The following ZNF827 variants were observed in gnomAD, a reference collection of about 807,000 sequenced individuals.
The protein encoded by ZNF827 is zinc finger protein 827.
A neutral mutation model predicts 102.4 loss-of-function variants in ZNF827; 13 were observed. That is an observed-to-expected ratio of 0.13 (90% CI 0.08 to 0.20). The LOEUF (loss-of-function observed/expected upper bound fraction) is 0.20, where lower values mean the gene tolerates loss of function less well. Ranked by LOEUF, ZNF827 falls within the 10% of genes least tolerant of loss-of-function variation. ZNF827 has a pLI of 1.00. For missense variants in ZNF827, 1,103 were observed against 1,344.4 expected (o/e 0.82, Z 2.81); for synonymous variants, 523 against 536.2 (o/e 0.98, Z 0.34).
Position 145,768,916 on chromosome 4 carries a change from T to TATATATATATATAA in ZNF827, c.2861-3179_2861-3178insTTATATATATATAT, listed in dbSNP as rs34051922. On this transcript the variant is annotated intron_variant, in intron 11 of 14. Coordinates refer to ENST00000508784, the MANE Select transcript of ZNF827 (RefSeq NM_001306215.2). ...ATATATATATATATATATATATATA[T>TATATATATATATAA]TAGGTATACAAAGTTTGGAAATAGA... 1.0e-3 allele frequency among the ~76,000 whole-genome samples: 36 copies of TATATATATATATAA among 34,414 alleles called. 2 individuals are homozygous for TATATATATATATAA. Among genetic ancestry groups the TATATATATATATAA allele is most frequent in the African/African-American group, 2.2e-3 (21 of 9,628 alleles). The allele number at this position is 34,414 out of a possible 152,430, so 22.6% of individuals were successfully genotyped here. A position where few individuals can be genotyped will look rare whatever the true frequency, so the allele number is the denominator to read the frequency against.
At chr4:145,778,117 C>G (rs1422356186) in intron 9 of ZNF827, among the ~76,000 whole-genome samples, 2 of 152,000 alleles carry the variant, frequency 1.3e-5, no homozygotes, top group African/African-American at 4.8e-5. Context: ...CATGGAGAAA[C>G]CCCATTTCTA....
intron 2 of ZNF827, 64 bp from the exon 3 acceptor site, chr4:145,892,479 A>G (rs1254131098): frequency 4.1e-6 from 6 of 1,477,598 alleles, no homozygotes; most frequent in Non-Finnish European, 5.5e-6. Flanking sequence ...ATCTGGCATT[A>G]ATTCACATAC....
chr4:145,928,418 C>T (rs1448322673), intron 1 of ZNF827, among the ~76,000 whole-genome samples: 2 of 152,150 alleles, frequency 1.3e-5, no homozygotes, highest in Non-Finnish European at 2.9e-5. Context: ...CAGAAACTGA[C>T]GGACAGCAAT....
intron 7 of ZNF827, among the ~76,000 whole-genome samples, chr4:145,828,704 C>A (rs1743909791): frequency 6.6e-6 from 1 of 152,020 alleles, no homozygotes; most frequent in Non-Finnish European, 1.5e-5. Context: ...TGATTTTTCT[C>A]CTGTAGAAAA....
intron 4 of ZNF827, among the ~76,000 whole-genome samples, chr4:145,882,980 C>A (rs1462675820): frequency 1.3e-5 from 2 of 151,962 alleles, no homozygotes; most frequent in Non-Finnish European, 2.9e-5. Context: ...TAAATCATAT[C>A]CACAGACACA....
chr4:145,793,806 C>A (rs1222332316), intron 8 of ZNF827, among the ~76,000 whole-genome samples: 1 of 152,172 alleles, frequency 6.6e-6, no homozygotes, highest in Non-Finnish European at 1.5e-5. Flanking sequence ...TGGAGACCTT[C>A]CCTCAGCAGA....
At chr4:145,773,752 GGTTT>G (rs1250783608) in intron 11 of ZNF827, among the ~76,000 whole-genome samples, 1 of 152,184 alleles carries the variant, frequency 6.6e-6, no homozygotes, top group Non-Finnish European at 1.5e-5. Flanking sequence ...GACAGTGATG[GGTTT>G]GTTTCAGGAG....
At chr4:145,803,792 T>G (rs933567337) in intron 8 of ZNF827, among the ~76,000 whole-genome samples, 2 of 152,158 alleles carry the variant, frequency 1.3e-5, no homozygotes, top group African/African-American at 4.8e-5. Context: ...TTATCCCAGT[T>G]CTCCAATCAA....
At chr4:145,792,308 CAA>C (rs1274165821) in intron 8 of ZNF827, among the ~76,000 whole-genome samples, 1 of 149,786 alleles carries the variant, frequency 6.7e-6, no homozygotes. Flanking sequence ...CTCCTATTGA[CAA>C]AGAGTTTGAA....
At chr4:145,845,565 T>G (rs1005714839) in intron 7 of ZNF827, among the ~76,000 whole-genome samples, 6 of 152,108 alleles carry the variant, frequency 3.9e-5, no homozygotes, top group African/African-American at 1.4e-4. Context: ...AGGGTTGCAA[T>G]AAGACAGAAA....
At chr4:145,904,590 C>T (rs60635050) in intron 1 of ZNF827, among the ~76,000 whole-genome samples, 16,687 of 152,186 alleles carry the variant, frequency 0.11, 3,078 homozygotes, top group African/African-American at 0.38. Flanking sequence ...GCCTGGCACG[C>T]CCATGGAACA....
rs1751461467 is a variant in ZNF827, at chr4:145,902,109, C to A, written c.1093+57G>T. On this transcript the variant is annotated intron_variant, in intron 2 of 14. Transcript: ENST00000508784. The surrounding 1 kb of genome is among the most constrained non-coding windows in gnomAD (Gnocchi z 4.3). The stretch of plus-strand genomic sequence containing the variant: ...CAACTGAAAAAAGCAATGAATAAGA[C>A]ATCGCAGTTTATAGTCTAAAGGACT... 1.3e-6 allele frequency: 2 copies of A among 1,519,976 alleles called. No homozygotes were observed. The highest frequency in any genetic ancestry group is 4.5e-5 in the East Asian group (2 of 44,080). The allele number at this position is 1,519,976 out of a possible 1,614,324, so 94.2% of individuals were successfully genotyped here. A position where few individuals can be genotyped will look rare whatever the true frequency, so the allele number is the denominator to read the frequency against.
chr4:145,872,790 G>A (rs552625456), intron 4 of ZNF827, among the ~76,000 whole-genome samples: 27 of 151,582 alleles, frequency 1.8e-4, no homozygotes, highest in African/African-American at 3.4e-4. Flanking sequence ...TAGGAGAATC[G>A]CTTGAACCCA....
chr4:145,812,510 T>C (rs973836277), intron 8 of ZNF827, among the ~76,000 whole-genome samples: 68 of 145,968 alleles, frequency 4.7e-4, no homozygotes, highest in Admixed American at 1.6e-3. Flanking sequence ...TTTATTTATT[T>C]ATTTATTTAT....
At chr4:145,929,480 T>C (rs1174984955) in intron 1 of ZNF827, among the ~76,000 whole-genome samples, 1 of 152,230 alleles carries the variant, frequency 6.6e-6, no homozygotes, top group Non-Finnish European at 1.5e-5. Flanking sequence ...ACAACTTAGA[T>C]ATAATTCAGG....
intron 11 of ZNF827, among the ~76,000 whole-genome samples, chr4:145,773,288 T>C (rs914940842): frequency 6.6e-6 from 1 of 152,196 alleles, no homozygotes; most frequent in Admixed American, 6.5e-5. Flanking sequence ...TGGCACCTTC[T>C]CACTTGGCAT....
At chr4:145,764,762 C>T (rs570175130) in intron 13 of ZNF827, 29 of 579,694 alleles carry the variant, frequency 5.0e-5, no homozygotes, top group South Asian at 8.3e-5. Flanking sequence ...CCCTGAATCC[C>T]GGGGTATTTG....
intron 1 of ZNF827, among the ~76,000 whole-genome samples, chr4:145,934,130 T>C (rs1753994114): frequency 6.6e-6 from 1 of 152,178 alleles, no homozygotes; most frequent in African/African-American, 2.4e-5. Context: ...AAAATGATAA[T>C]TACTGCTCTA....
rs1300429187 is a variant in ZNF827 at position 145,765,774 on chromosome 4, G to A, written c.2861-36C>T. On this transcript the variant is annotated intron_variant, in intron 11 of 14. Transcript: ENST00000508784. This position sits in a 1 kb window ranked among gnomAD's most constrained non-coding sequence, Gnocchi z 4.7. ...AGCAAATAACCCAGTCTGTTAATGA[G>A]ATGAAAATCCTCAGAATTATAGCAA... is the stretch of plus-strand genomic sequence containing the variant. 3 of 1,592,630 alleles carry A rather than the reference G, an allele frequency of 1.9e-6. No individual in the cohort carries two copies. The highest frequency in any genetic ancestry group is 2.6e-6 in the Non-Finnish European group (3 of 1,167,866).
Sources: allele counts gnomAD v4.1 joint callset (sites outside exome capture counted in the v4.1 genomes callset), GRCh38; gene constraint gnomAD v4.1.1; non-coding constraint Gnocchi (gnomAD v3.1); transcripts MANE v1.5; gene names NCBI Gene and HGNC (gene_info 2026-07-23, HGNC 2026-07-21).